Variants in KATNIP observed in about 807,000 individuals in gnomAD.
The protein encoded by KATNIP is katanin interacting protein.
In KATNIP, 126 loss-of-function variants were observed where a neutral mutation model predicts 174.0. The observed-to-expected ratio is 0.72, with a 90% CI of 0.63 to 0.84. KATNIP has a LOEUF of 0.84. Ranked by LOEUF, KATNIP falls within the 40% of genes least tolerant of loss-of-function variation. The pLI is 0.00. For missense variants in KATNIP, 1,958 were observed against 2,109.7 expected (o/e 0.93, Z 1.41); for synonymous variants, 810 against 835.7 (o/e 0.97, Z 0.53).
At chr16:27,611,550 C>T (rs911622620) in intron 2 of KATNIP, among the ~76,000 whole-genome samples, 14 of 152,158 alleles carry the variant, frequency 9.2e-5, no homozygotes, top group South Asian at 2.1e-4. Context: ...GGCACTCAGG[C>T]GAAACTCTGT....
intron 6 of KATNIP, among the ~76,000 whole-genome samples, chr16:27,664,180 T>A (rs1490229952): frequency 1.3e-5 from 2 of 152,226 alleles, no homozygotes; most frequent in African/African-American, 2.4e-5. Flanking sequence ...TCTAGTTTTG[T>A]ATTTTTGCTA....
chr16:27,589,070 ATTT>A (rs755208446), intron 2 of KATNIP, among the ~76,000 whole-genome samples: 1 of 126,776 alleles, frequency 7.9e-6, no homozygotes, highest in African/African-American at 2.9e-5. Context: ...TAATTTTTGT[ATTT>A]TTTTTTTTTT....
At chr16:27,750,358 A>C (rs952802227) in intron 16 of KATNIP, 52 bp downstream of exon 16, 1 of 1,549,508 alleles carries the variant, frequency 6.5e-7, no homozygotes, top group Non-Finnish European at 8.7e-7. Flanking sequence ...TGACTTGCTG[A>C]GAGTCTATGG....
intron 8 of KATNIP, among the ~76,000 whole-genome samples, chr16:27,686,093 T>G (rs1567299887): frequency 6.6e-6 from 1 of 152,146 alleles, no homozygotes; most frequent in Non-Finnish European, 1.5e-5. Flanking sequence ...AATGTGTGTT[T>G]TTAGACACTG....
intron 1 of KATNIP, among the ~76,000 whole-genome samples, chr16:27,555,303 T>C (rs1039642422): frequency 2.6e-5 from 4 of 152,196 alleles, no homozygotes; most frequent in African/African-American, 9.7e-5. Flanking sequence ...TTAATCACCA[T>C]AGCTTTTCAC....
rs553609964 is a variant in KATNIP at position 27,737,119 on chromosome 16, T to G, written c.1744-2922T>G. The stretch of plus-strand genomic sequence containing the variant: ...CACACCAGGCACATTGACTCACACC[T>G]GTAATCCCAGCACTTTGGGAGGCCA... On this transcript the variant is annotated intron_variant, in intron 14 of 27. Transcript: ENST00000261588. 1.2e-4 allele frequency among the ~76,000 whole-genome samples: 19 copies of G among 152,270 alleles called. No individual in the cohort carries two copies. The South Asian group carries it at 2.9e-3, about 23-fold the overall frequency.
intron 8 of KATNIP, among the ~76,000 whole-genome samples, chr16:27,682,872 GGGACTGGT>G (rs1288717121): frequency 1.3e-5 from 2 of 152,082 alleles, no homozygotes; most frequent in East Asian, 3.9e-4. Flanking sequence ...TCATGGGAGT[GGGACTGGT>G]GGTTTTATAG....
chr16:27,700,024 C>T (rs1388942057), intron 10 of KATNIP, among the ~76,000 whole-genome samples: 2 of 152,132 alleles, frequency 1.3e-5, no homozygotes, highest in African/African-American at 2.4e-5. Flanking sequence ...GATTCTCCCA[C>T]CTCAGCCTCC....
chr16:27,636,810 T>G (rs959468290), intron 5 of KATNIP, among the ~76,000 whole-genome samples: 4 of 152,234 alleles, frequency 2.6e-5, no homozygotes, highest in Admixed American at 1.3e-4. Context: ...AGCTTTGGTT[T>G]CATCATCAAT....
At chr16:27,712,062 A>AT (rs1478933946) in intron 13 of KATNIP, among the ~76,000 whole-genome samples, 2 of 152,256 alleles carry the variant, frequency 1.3e-5, no homozygotes, top group Admixed American at 1.3e-4. Flanking sequence ...ACTAGAGACA[A>AT]TAAAAAGCAT....
Position 27,682,373 on chromosome 16 carries a change from C to T in KATNIP, c.940+843C>T, listed in dbSNP as rs533394204. On this transcript the variant is annotated intron_variant, in intron 8 of 27. Coordinates refer to ENST00000261588, the MANE Select transcript of KATNIP (RefSeq NM_015202.5). ...ACAGACGAGGAACTGAGGCACACAA[C>T]GTGCAAGTGGCAGCTGAGGCTTTGT... is the stretch of plus-strand genomic sequence containing the variant. Among the ~76,000 whole-genome samples the T allele has an allele frequency of 6.6e-5, 10 of 152,204 alleles. No individual in the cohort carries two copies. The South Asian group carries it at 1.7e-3, about 25-fold the overall frequency.
intron 6 of KATNIP, among the ~76,000 whole-genome samples, chr16:27,660,635 A>G (rs1472839063): frequency 2.5e-5 from 2 of 80,696 alleles, no homozygotes; most frequent in African/African-American, 9.1e-5. Context: ...TCATATCAGT[A>G]CTTTTTTTTT....
intron 3 of KATNIP, among the ~76,000 whole-genome samples, chr16:27,621,131 C>G (rs1176138991): frequency 6.6e-6 from 1 of 151,900 alleles, no homozygotes; most frequent in African/African-American, 2.4e-5. Flanking sequence ...TTTTAAATAG[C>G]CAGGTGTGGT....
intron 14 of KATNIP, among the ~76,000 whole-genome samples, chr16:27,735,227 G>A (rs866980887): frequency 6.6e-6 from 1 of 152,006 alleles, no homozygotes; most frequent in African/African-American, 2.4e-5. Context: ...CCCTGCCTCC[G>A]CCTGCTTCCC....
In KATNIP at chr16:27,749,814, G is replaced by A; in HGVS notation, c.2854G>A (p.Gly952Arg). ...KKGEQPGLSR[G>R]QDGYSGETDA... ...GGGGGAGCAGCCAGGGCTGTCGAGA[G>A]GGCAGGATGGCTACTCTGGAGAGAC... The change falls in exon 16 of 28, where the codon GGG becomes AGG. Residue 952 changes from glycine (G) to arginine (R), a missense_variant. Gly to Arg is a moderately radical substitution (Grantham distance 125, BLOSUM62 -2). Transcript: ENST00000261588. 1 of 1,613,338 alleles carries A rather than the reference G, an allele frequency of 6.2e-7. No homozygotes were observed. Among genetic ancestry groups the A allele is most frequent in the Non-Finnish European group, 8.5e-7 (1 of 1,179,572 alleles).
At position 27,776,802 on chromosome 16, in the gene KATNIP, T is replaced by C. The variant is rs909726098; in HGVS notation, c.4450-126T>C. The C allele has an allele frequency of 4.4e-6, 3 of 680,020 alleles. No individual in the cohort carries two copies. The highest frequency in any genetic ancestry group is 8.0e-6 in the Non-Finnish European group (3 of 377,076). The allele number at this position is 680,020 out of a possible 1,614,324, so 42.1% of individuals were successfully genotyped here. A position where few individuals can be genotyped will look rare whatever the true frequency, so the allele number is the denominator to read the frequency against. ...GATGAAAGGGGGCGGAACTCCAGGC[T>C]GGCCCACGTGGCAGGCGCTGCCTTG... On this transcript the variant is annotated intron_variant, in intron 24 of 27. Transcript: ENST00000261588. This position sits in a 1 kb window ranked among gnomAD's most constrained non-coding sequence, Gnocchi z 4.7.
intron 3 of KATNIP, among the ~76,000 whole-genome samples, chr16:27,627,455 G>A (rs989118799): frequency 4.6e-5 from 7 of 152,138 alleles, no homozygotes; most frequent in East Asian, 1.9e-4. Flanking sequence ...ATGAATCAAC[G>A]GCGTAATAAG....
In KATNIP at chr16:27,750,254, C is replaced by T; in HGVS notation, c.3294C>T (p.Thr1098=). ...GVKDITMLLD[T]QCIFEGEIAK... ...AGGACATCACAATGCTGTTAGACAC[C>T]CAGTGCATCTTTGAAGGAGAAATCG... Residue 1098 remains threonine, a synonymous_variant, in exon 16 of 28, where the codon ACC becomes ACT. Coordinates refer to ENST00000261588, the MANE Select transcript of KATNIP (RefSeq NM_015202.5). The T allele has an allele frequency of 6.2e-7, 1 of 1,613,950 alleles. No individual in the cohort carries two copies. Among genetic ancestry groups the T allele is most frequent in the East Asian group, 2.2e-5 (1 of 44,872 alleles).
intron 6 of KATNIP, among the ~76,000 whole-genome samples, chr16:27,674,814 C>A (rs879374319): frequency 2.0e-5 from 3 of 152,204 alleles, no homozygotes; most frequent in Non-Finnish European, 2.9e-5. Context: ...ATACCACATG[C>A]AGAATACATC....
Sources: gnomAD v4.1 joint callset for allele counts (sites outside exome capture counted in the v4.1 genomes callset) on GRCh38, gnomAD v4.1.1 for gene constraint, Gnocchi (gnomAD v3.1) non-coding constraint, MANE v1.5 for transcripts, NCBI Gene and HGNC (gene_info 2026-07-23, HGNC 2026-07-21) for gene names.